Variants in CORIN observed in about 807,000 individuals in gnomAD.
CORIN encodes atrial natriuretic peptide-converting enzyme.
In CORIN, 117 loss-of-function variants were observed where a neutral mutation model predicts 125.3. The observed-to-expected ratio is 0.93, with a 90% CI of 0.80 to 1.09. The LOEUF (loss-of-function observed/expected upper bound fraction) is 1.09. Among genes scored for constraint, CORIN ranks in the 50% least tolerant of loss-of-function variants. The probability of loss-of-function intolerance (pLI) is 0.00; values close to 1 mark genes in which losing one functional copy is unlikely to be tolerated. For missense variants in CORIN, 1,253 were observed against 1,306.7 expected (o/e 0.96, Z 0.63); for synonymous variants, 450 against 466.4 (o/e 0.96, Z 0.45).
At chr4:47,821,400 T>C (rs1732505360) in intron 1 of CORIN, among the ~76,000 whole-genome samples, 1 of 150,914 alleles carries the variant, frequency 6.6e-6, no homozygotes, top group Non-Finnish European at 1.5e-5. Context: ...TTAGAATTAT[T>C]ATTTCAGTCA....
chr4:47,706,677 C>A (rs1489967299), intron 5 of CORIN: 2 of 1,609,314 alleles, frequency 1.2e-6, no homozygotes, highest in South Asian at 1.1e-5. Context: ...CAGTCCGTTG[C>A]GGAGGAGCGA....
In CORIN at chr4:47,623,628, C is replaced by A. The variant is rs915131051; in HGVS notation, c.2483G>T (p.Cys828Phe). ...CTTCTTGGCAATGAGGACACAGCCA[C>A]AGATATGTCCACTGGGTTCACTCTG... Reference protein sequence around the residue: ...SLQSEPSGHICGCVLIAKKWV... With the variant: ...SLQSEPSGHIFGCVLIAKKWV... Residue 828 changes from cysteine (C) to phenylalanine (F), a missense_variant, in exon 19 of 22, where the codon TGT becomes TTT. Transcript: ENST00000273857. 1.2e-6 allele frequency: 2 copies of A among 1,614,080 alleles called. No homozygotes were observed. Among genetic ancestry groups the A allele is most frequent in the African/African-American group, 2.7e-5 (2 of 74,932 alleles).
intron 8 of CORIN, chr4:47,679,807 C>T: frequency 1.0e-5 from 2 of 192,036 alleles, no homozygotes; most frequent in South Asian, 2.3e-4. Flanking sequence ...AAGAAAGGTT[C>T]CCCATTCTGT....
chr4:47,805,148 A>AAAAAAAAAAATAAT (rs796469224), intron 2 of CORIN, among the ~76,000 whole-genome samples: 1 of 129,166 alleles, frequency 7.7e-6, no homozygotes, highest in African/African-American at 2.9e-5. Context: ...AAAAAAAAAA[A>AAAAAAAAAAATAAT]AATAATAATA....
intron 12 of CORIN, among the ~76,000 whole-genome samples, chr4:47,657,071 A>G (rs1271439497): frequency 1.3e-5 from 2 of 152,336 alleles, no homozygotes; most frequent in East Asian, 3.9e-4. Flanking sequence ...AATTAACTTA[A>G]TCAAAGAAAT....
intron 4 of CORIN, among the ~76,000 whole-genome samples, chr4:47,752,900 T>C (rs998548263): frequency 9.2e-5 from 14 of 152,202 alleles, no homozygotes; most frequent in African/African-American, 3.4e-4. Flanking sequence ...TATTTTGCAG[T>C]TGTTTTGATT....
At chr4:47,633,749 C>T (rs1324234822) in intron 16 of CORIN, among the ~76,000 whole-genome samples, 3 of 152,068 alleles carry the variant, frequency 2.0e-5, no homozygotes, top group Non-Finnish European at 2.9e-5. Context: ...TCATGTAAAG[C>T]TAGAGATTAT....
At chr4:47,660,125 G>A (rs1197558097) in intron 12 of CORIN, among the ~76,000 whole-genome samples, 1 of 152,180 alleles carries the variant, frequency 6.6e-6, no homozygotes, top group Non-Finnish European at 1.5e-5. Context: ...GAGAAAACTG[G>A]ATATTCATAT....
At chr4:47,733,055 TCCTGGTAAACTG>T (rs1727959530) in intron 5 of CORIN, among the ~76,000 whole-genome samples, 1 of 152,206 alleles carries the variant, frequency 6.6e-6, no homozygotes, top group Non-Finnish European at 1.5e-5. Context: ...CTTCTCCAGT[TCCTGGTAAACTG>T]CCTGGTACAT....
chr4:47,648,969 T>C (rs1723613710), intron 13 of CORIN, among the ~76,000 whole-genome samples: 2 of 152,158 alleles, frequency 1.3e-5, no homozygotes, highest in Non-Finnish European at 2.9e-5. Flanking sequence ...CCTCAAAGCA[T>C]GGCTGCAAAG....
intron 2 of CORIN, among the ~76,000 whole-genome samples, chr4:47,788,603 G>A (rs972526560): frequency 7.2e-5 from 11 of 152,182 alleles, no homozygotes; most frequent in African/African-American, 2.4e-4. Flanking sequence ...TATAGGAAAT[G>A]TATTTCACAC....
rs542948987 is a variant in CORIN, at chr4:47,750,251, C to T, written c.618-5668G>A. Among the ~76,000 whole-genome samples the T allele has an allele frequency of 2.0e-5, 3 of 152,330 alleles. No homozygotes were observed. In the South Asian group the frequency reaches 6.2e-4, roughly 32 times the overall value. ...AGAAAAGAGGCTTCTTTGGTTTCTA[C>T]TCCACTAAACGTGGGGATGGACAGC... On this transcript the variant is annotated intron_variant, in intron 4 of 21. Coordinates refer to ENST00000273857, the MANE Select transcript of CORIN (RefSeq NM_006587.4).
At chr4:47,688,097 T>C (rs909649134) in intron 6 of CORIN, among the ~76,000 whole-genome samples, 2 of 152,124 alleles carry the variant, frequency 1.3e-5, no homozygotes, top group South Asian at 2.1e-4. Context: ...ACCTAGAGAA[T>C]TGAAAATCAT....
chr4:47,654,439 C>T (rs554325033), intron 12 of CORIN, among the ~76,000 whole-genome samples: 2 of 152,162 alleles, frequency 1.3e-5, no homozygotes, highest in East Asian at 3.9e-4. Context: ...GTAGGAAAGA[C>T]AGTCTTGAAT....
intron 10 of CORIN, among the ~76,000 whole-genome samples, chr4:47,669,279 T>G (rs1724629949): frequency 6.6e-6 from 1 of 152,224 alleles, no homozygotes; most frequent in African/African-American, 2.4e-5. Context: ...TGTGATACTC[T>G]GAAGTTACTA....
intron 2 of CORIN, among the ~76,000 whole-genome samples, chr4:47,789,601 G>C (rs1024513084): frequency 5.9e-5 from 9 of 152,164 alleles, no homozygotes; most frequent in South Asian, 2.1e-4. Flanking sequence ...TGGACAACTT[G>C]TTTTCAAGTA....
intron 4 of CORIN, among the ~76,000 whole-genome samples, chr4:47,758,765 G>C (rs1472348286): frequency 1.3e-5 from 2 of 152,152 alleles, no homozygotes; most frequent in Non-Finnish European, 2.9e-5. Context: ...GGTTTTATAA[G>C]GGGCTTTCCC....
intron 5 of CORIN, among the ~76,000 whole-genome samples, chr4:47,719,356 C>T (rs1341909756): frequency 6.6e-6 from 1 of 152,120 alleles, no homozygotes; most frequent in Non-Finnish European, 1.5e-5. Flanking sequence ...ATCCCCAGCA[C>T]ATAGCAGGCT....
rs780111109 is a variant in CORIN at position 47,763,544 on chromosome 4, G to C, written c.452C>G (p.Pro151Arg). ...GAGAGGTGTCAGCGTGGCGTGGTAG[G>C]GCAGCATCTGACACTGGCTGTGGGT... ...NITHSQCQML[P>R]YHATLTPLLS... Residue 151 changes from proline (P) to arginine (R), a missense_variant, in exon 4 of 22, where the codon CCC becomes CGC. Coordinates refer to ENST00000273857, the MANE Select transcript of CORIN (RefSeq NM_006587.4). The C allele has an allele frequency of 6.2e-7, 1 of 1,614,108 alleles. No individual in the cohort carries two copies. The highest frequency in any genetic ancestry group is 1.1e-5 in the South Asian group (1 of 91,068).
Sources: allele counts gnomAD v4.1 joint callset (sites outside exome capture counted in the v4.1 genomes callset), GRCh38; gene constraint gnomAD v4.1.1; transcripts MANE v1.5; gene names NCBI Gene and HGNC (gene_info 2026-07-23, HGNC 2026-07-21).